Variants in ARHGAP15 observed in about 807,000 individuals in gnomAD.
The protein encoded by ARHGAP15 is rho GTPase-activating protein 15.
A neutral mutation model predicts 63.7 loss-of-function variants in ARHGAP15; 51 were observed. That is an observed-to-expected ratio of 0.80 (90% confidence interval 0.64 to 1.01). The LOEUF is 1.01. Among genes scored for constraint, ARHGAP15 ranks in the 50% least tolerant of loss-of-function variants. ARHGAP15 has a pLI of 0.00. For missense variants in ARHGAP15, 560 were observed against 564.6 expected (o/e 0.99, Z 0.08); for synonymous variants, 191 against 193.8 (o/e 0.99, Z 0.12).
At chr2:143,687,174 TAAAGA>T (rs1683389748) in intron 12 of ARHGAP15, among the ~76,000 whole-genome samples, 1 of 152,114 alleles carries the variant, frequency 6.6e-6, no homozygotes, top group African/African-American at 2.4e-5. Context: ...CTATTTTTCT[TAAAGA>T]AAAGAGGGAT....
intron 6 of ARHGAP15, among the ~76,000 whole-genome samples, chr2:143,345,082 A>AT (rs1396336016): frequency 1.3e-5 from 2 of 152,110 alleles, no homozygotes; most frequent in African/African-American, 2.4e-5. Context: ...CATTTACCAC[A>AT]TTTTTTAACT....
intron 12 of ARHGAP15, among the ~76,000 whole-genome samples, chr2:143,643,952 G>A (rs1680738645): frequency 6.6e-6 from 1 of 151,976 alleles, no homozygotes; most frequent in Non-Finnish European, 1.5e-5. Flanking sequence ...TATTCTTACT[G>A]GCATTGCTCC....
chr2:143,154,236 A>C lies in ARHGAP15; in HGVS notation c.-14-1241A>C, dbSNP rs568068004. On this transcript the variant is annotated intron_variant, in intron 1 of 13. Transcript: ENST00000295095. ...CCATTGAGCACATTGCTTAGCACATAGTAGATACTAAGTATTAGCTTCTTT... is the reference window on the plus strand; with the variant it reads ...CCATTGAGCACATTGCTTAGCACATCGTAGATACTAAGTATTAGCTTCTTT... Among the ~76,000 whole-genome samples the C allele has an allele frequency of 2.6e-5, 4 of 152,054 alleles. No homozygotes were observed. The South Asian group carries it at 8.3e-4, about 32-fold the overall frequency.
intron 13 of ARHGAP15, among the ~76,000 whole-genome samples, chr2:143,758,981 T>A (rs964564327): frequency 2.6e-5 from 4 of 152,202 alleles, no homozygotes; most frequent in Admixed American, 6.6e-5. Flanking sequence ...TTTCTATTAT[T>A]TTACACTAAG....
At chr2:143,193,106 G>A (rs1268260823) in intron 2 of ARHGAP15, among the ~76,000 whole-genome samples, 2 of 152,146 alleles carry the variant, frequency 1.3e-5, no homozygotes, top group African/African-American at 2.4e-5. Context: ...AGTTATAATC[G>A]AAGGTGGAGA....
intron 12 of ARHGAP15, among the ~76,000 whole-genome samples, chr2:143,702,352 A>C (rs1684127040): frequency 6.6e-6 from 1 of 152,206 alleles, no homozygotes; most frequent in East Asian, 1.9e-4. Context: ...TGTGGTATGC[A>C]GTTTTGAACA....
chr2:143,575,160 C>T (rs144328553), intron 11 of ARHGAP15, among the ~76,000 whole-genome samples: 52 of 152,274 alleles, frequency 3.4e-4, no homozygotes, highest in African/African-American at 1.2e-3. Flanking sequence ...GTTTCACTCT[C>T]CCTATATGTG....
chr2:143,657,039 T>C (rs1233833286), intron 12 of ARHGAP15, among the ~76,000 whole-genome samples: 1 of 151,816 alleles, frequency 6.6e-6, no homozygotes, highest in Non-Finnish European at 1.5e-5. Context: ...TTATTGTTGA[T>C]CAAATACTTT....
At chr2:143,693,076 C>T (rs572407143) in intron 12 of ARHGAP15, among the ~76,000 whole-genome samples, 1 of 152,042 alleles carries the variant, frequency 6.6e-6, no homozygotes, top group Non-Finnish European at 1.5e-5. Flanking sequence ...AATCCAGACT[C>T]GGGAATCTGG....
At chr2:143,153,256 A>T (rs190323146) in intron 1 of ARHGAP15, among the ~76,000 whole-genome samples, 1 of 152,050 alleles carries the variant, frequency 6.6e-6, no homozygotes, top group Non-Finnish European at 1.5e-5. Flanking sequence ...TTACAAACAC[A>T]CTGTCCTTAG....
chr2:143,393,155 G>T (rs1031567711), intron 6 of ARHGAP15, among the ~76,000 whole-genome samples: 1 of 152,030 alleles, frequency 6.6e-6, no homozygotes, highest in Non-Finnish European at 1.5e-5. Context: ...GTTAAACCTA[G>T]ACAGCTCAAA....
chr2:143,538,955 G>A (rs938398397), intron 10 of ARHGAP15, among the ~76,000 whole-genome samples: 1 of 152,194 alleles, frequency 6.6e-6, no homozygotes, highest in Non-Finnish European at 1.5e-5. Context: ...AGAAGGAATG[G>A]TACCAGTTCC....
At chr2:143,537,214 T>TCAA (rs1694814470) in intron 10 of ARHGAP15, among the ~76,000 whole-genome samples, 2 of 152,260 alleles carry the variant, frequency 1.3e-5, no homozygotes, top group Non-Finnish European at 2.9e-5. Context: ...TGCCCACTTT[T>TCAA]TGACGAGGTT....
chr2:143,481,517 G>A (rs1412673150), intron 8 of ARHGAP15, among the ~76,000 whole-genome samples: 1 of 152,156 alleles, frequency 6.6e-6, no homozygotes, highest in African/African-American at 2.4e-5. Context: ...GAGATGTTCT[G>A]GCAGATGCAC....
intron 8 of ARHGAP15, among the ~76,000 whole-genome samples, chr2:143,450,664 A>G (rs1034317771): frequency 6.6e-6 from 1 of 151,832 alleles, no homozygotes; most frequent in African/African-American, 2.4e-5. Context: ...TAATTATTAC[A>G]CTCTCAACTT....
At chr2:143,158,070 C>T (rs546384265) in intron 2 of ARHGAP15, among the ~76,000 whole-genome samples, 224 of 151,958 alleles carry the variant, frequency 1.5e-3, no homozygotes, top group African/African-American at 5.3e-3. Context: ...ACTAGTATAA[C>T]AATTATGCAA....
Position 143,179,403 on chromosome 2 carries a change from A to G in ARHGAP15, c.166-22731A>G, listed in dbSNP as rs888638708. ...CTTATGTCTTAAGAAAAGTCTAGAC[A>G]TAGCTCAACTGTGTCTAAGCAAATC... On this transcript the variant is annotated intron_variant, in intron 2 of 13. Coordinates refer to ENST00000295095, the MANE Select transcript of ARHGAP15 (RefSeq NM_018460.4). Among the ~76,000 whole-genome samples, 22 of 152,356 alleles carry G rather than the reference A, an allele frequency of 1.4e-4. 1 individual carries two copies. The highest frequency in any genetic ancestry group is 7.8e-4 in the Admixed American group (12 of 15,304).
intron 11 of ARHGAP15, among the ~76,000 whole-genome samples, chr2:143,590,231 G>A (rs750441071): frequency 3.3e-5 from 5 of 152,106 alleles, no homozygotes; most frequent in Non-Finnish European, 5.9e-5. Flanking sequence ...GGATGGCAAT[G>A]CTAACAGGCA....
chr2:143,370,074 T>C (rs1244775245), intron 6 of ARHGAP15, among the ~76,000 whole-genome samples: 1 of 152,108 alleles, frequency 6.6e-6, no homozygotes, highest in East Asian at 1.9e-4. Context: ...CAGTTCTTCT[T>C]TGGTGCAAAA....
Sources: allele counts gnomAD v4.1 joint callset (sites outside exome capture counted in the v4.1 genomes callset), GRCh38; gene constraint gnomAD v4.1.1; transcripts MANE v1.5; gene names NCBI Gene and HGNC (gene_info 2026-07-23, HGNC 2026-07-21).